LCLAT1: variants seen among roughly 807,000 people sequenced by gnomAD.
The protein encoded by LCLAT1 is lysocardiolipin acyltransferase 1.
LCLAT1 carries 11 observed loss-of-function variants against 30.7 expected under a neutral mutation model. The ratio of observed to expected loss-of-function variants is 0.36; its 90% CI spans 0.23 to 0.59. LCLAT1 has a LOEUF of 0.59. Among genes scored for constraint, LCLAT1 ranks in the 20% least tolerant of loss-of-function variants. The pLI is 0.77. For missense variants in LCLAT1, 402 were observed against 458.6 expected, an observed-to-expected ratio of 0.88 and a Z score of 1.13; for synonymous variants, 155 against 151.3, an observed-to-expected ratio of 1.02 and a Z score of -0.18.
chr2:30,463,158 TA>T (rs1419827199), intron 1 of LCLAT1, among the ~76,000 whole-genome samples: 1 of 151,770 alleles, frequency 6.6e-6, no homozygotes, highest in Non-Finnish European at 1.5e-5. Flanking sequence ...TATATATTTA[TA>T]AAAAATATAT....
At chr2:30,629,711 C>T (rs1668682000) in intron 5 of LCLAT1, among the ~76,000 whole-genome samples, 3 of 152,138 alleles carry the variant, frequency 2.0e-5, no homozygotes, top group Admixed American at 6.5e-5. Context: ...TAGCTAAAGC[C>T]TGTTAAGGTG....
intron 3 of LCLAT1, among the ~76,000 whole-genome samples, chr2:30,534,175 A>G (rs1034665680): frequency 2.0e-5 from 3 of 150,464 alleles, no homozygotes; most frequent in African/African-American, 7.5e-5. Context: ...CTCACAGGAT[A>G]GACTAGTAAG....
In LCLAT1 at chr2:30,591,459, C is replaced by T. The variant is rs117176066; in HGVS notation, c.628+23283C>T. Among the ~76,000 whole-genome samples, 16 of 152,180 alleles carry T rather than the reference C, an allele frequency of 1.1e-4. No individual in the cohort carries two copies. In the East Asian group the frequency reaches 3.1e-3, roughly 29 times the overall value. On this transcript the variant is annotated intron_variant, in intron 5 of 5. Coordinates refer to ENST00000379509, the MANE Select transcript of LCLAT1 (RefSeq NM_001002257.3). ...CTTAAGTACAATATTTATGTTGCAT[C>T]CTTTAAGGTCAACAAATGAAAGAGT...
intron 1 of LCLAT1, among the ~76,000 whole-genome samples, chr2:30,486,896 G>T (rs1242753200): frequency 6.6e-6 from 1 of 152,166 alleles, no homozygotes; most frequent in Non-Finnish European, 1.5e-5. Context: ...ACATATGCAA[G>T]AAGCAAATTA....
At chr2:30,574,049 C>T (rs1255048345) in intron 5 of LCLAT1, among the ~76,000 whole-genome samples, 1 of 151,732 alleles carries the variant, frequency 6.6e-6, no homozygotes, top group Admixed American at 6.6e-5. Flanking sequence ...GGCTGAGGCA[C>T]GGGAATCGCT....
At chr2:30,505,991 C>G (rs1572540869) in intron 1 of LCLAT1, among the ~76,000 whole-genome samples, 1 of 152,076 alleles carries the variant, frequency 6.6e-6, no homozygotes, top group Non-Finnish European at 1.5e-5. Context: ...CAGGGAATTA[C>G]CAGGCTTGTT....
intron 1 of LCLAT1, among the ~76,000 whole-genome samples, chr2:30,468,748 T>G (rs1682611500): frequency 6.6e-6 from 1 of 152,230 alleles, no homozygotes; most frequent in Admixed American, 6.5e-5. Context: ...GATTTGCCTA[T>G]TCTGAATATT....
intron 5 of LCLAT1, chr2:30,607,459 T>C (rs1667505166): frequency 6.6e-6 from 1 of 152,090 alleles, no homozygotes; most frequent in African/African-American, 2.4e-5. Context: ...GGCAGTCTCA[T>C]AAGATCATAA....
intron 1 of LCLAT1, among the ~76,000 whole-genome samples, chr2:30,519,993 G>C (rs1450694773): frequency 6.6e-6 from 1 of 152,152 alleles, no homozygotes; most frequent in Non-Finnish European, 1.5e-5. Flanking sequence ...TGCCGCTCCC[G>C]ATCAGGTAGA....
chr2:30,573,292 T>G (rs1486051829), intron 5 of LCLAT1, among the ~76,000 whole-genome samples: 2 of 152,200 alleles, frequency 1.3e-5, no homozygotes, highest in Non-Finnish European at 2.9e-5. Context: ...CATTGTATGT[T>G]CCCTGAATTA....
At chr2:30,453,248 A>G (rs1681654536) in intron 1 of LCLAT1, among the ~76,000 whole-genome samples, 1 of 152,168 alleles carries the variant, frequency 6.6e-6, no homozygotes. Context: ...GATGAAGATA[A>G]AAATAAATGA....
At position 30,640,676 on chromosome 2, in the gene LCLAT1, T is replaced by G; in HGVS notation, c.*57T>G. 1 of 1,508,986 alleles carries G rather than the reference T, an allele frequency of 6.6e-7. No homozygotes were observed. The highest frequency in any genetic ancestry group is 2.3e-5 in the East Asian group (1 of 43,570). The allele number at this position is 1,508,986 out of a possible 1,614,324, so 93.5% of individuals were successfully genotyped here. On this transcript the variant is annotated 3_prime_UTR_variant, in exon 6 of 6. Transcript: ENST00000379509. ...GCATATTTTGGAAATGTTCTAAACC[T>G]TTCTAAGCTCAGATGCATTTTTGCA... is the stretch of plus-strand genomic sequence containing the variant.
intron 3 of LCLAT1, among the ~76,000 whole-genome samples, chr2:30,536,086 A>G (rs537882671): frequency 3.3e-5 from 5 of 150,154 alleles, no homozygotes; most frequent in African/African-American, 7.6e-5. Context: ...CTGAAAACAC[A>G]TGTTTTCAAA....
rs183076006 is a variant in LCLAT1, at chr2:30,567,764, A to G, written c.512-296A>G. On this transcript the variant is annotated intron_variant, in intron 4 of 5. Transcript: ENST00000379509. ...TGGGACTTTAGAACACTAGTTCACT[A>G]TCTTCTCAGTTTGCTGGCTCTCTGT... Among the ~76,000 whole-genome samples the G allele has an allele frequency of 2.0e-3, 307 of 152,310 alleles. 4 individuals carry two copies. The highest frequency in any genetic ancestry group is 6.7e-3 in the African/African-American group (280 of 41,554).
chr2:30,592,159 T>C (rs1045345018), intron 5 of LCLAT1, among the ~76,000 whole-genome samples: 1 of 152,118 alleles, frequency 6.6e-6, no homozygotes, highest in African/African-American at 2.4e-5. Flanking sequence ...AACATGCACC[T>C]TTGAAAGACA....
chr2:30,461,857 G>A (rs1423817982), intron 1 of LCLAT1, among the ~76,000 whole-genome samples: 2 of 144,198 alleles, frequency 1.4e-5, no homozygotes, highest in East Asian at 2.1e-4. Flanking sequence ...TGCAAGCTCC[G>A]CCTCCCGGGT....
chr2:30,571,335 A>G (rs958902460), intron 5 of LCLAT1, among the ~76,000 whole-genome samples: 6 of 152,174 alleles, frequency 3.9e-5, no homozygotes, highest in Non-Finnish European at 5.9e-5. Context: ...GGTTACATAT[A>G]TAGTGTCAGT....
At chr2:30,557,603 C>A (rs986576241) in intron 3 of LCLAT1, among the ~76,000 whole-genome samples, 2 of 151,674 alleles carry the variant, frequency 1.3e-5, no homozygotes, top group Non-Finnish European at 2.9e-5. Context: ...TTAGTAGAGA[C>A]GGGGTTTCAT....
chr2:30,616,040 C>G (rs1476884975), intron 5 of LCLAT1, among the ~76,000 whole-genome samples: 1 of 151,894 alleles, frequency 6.6e-6, no homozygotes, highest in East Asian at 1.9e-4. Flanking sequence ...CACAGTTTAC[C>G]CAGGCCAGTT....
Sources: allele counts gnomAD v4.1 joint callset (sites outside exome capture counted in the v4.1 genomes callset), GRCh38; gene constraint gnomAD v4.1.1; transcripts MANE v1.5; gene names NCBI Gene and HGNC (gene_info 2026-07-23, HGNC 2026-07-21).